The following PTPRD variants were observed in gnomAD, a reference collection of about 807,000 sequenced individuals.
PTPRD encodes the protein protein tyrosine phosphatase receptor type D.
PTPRD carries 34 observed loss-of-function variants against 214.5 expected under a neutral mutation model. The ratio of observed to expected loss-of-function variants is 0.16; its 90% CI spans 0.12 to 0.21. PTPRD has a LOEUF of 0.21. PTPRD is among the 10% of genes least tolerant of loss of function. The pLI is 1.00. For synonymous variants in PTPRD, 1,128 were observed against 845.7 expected, an observed-to-expected ratio of 1.33 and a Z score of -5.79; for missense variants, 2,545 against 2,398.7, an observed-to-expected ratio of 1.06 and a Z score of -1.27.
At chr9:8,485,716 CT>C in intron 28 of PTPRD, 45 bp downstream of exon 28, 1 of 1,484,950 alleles carries the variant, frequency 6.7e-7, no homozygotes, top group Non-Finnish European at 9.2e-7. Flanking sequence ...TTTCCAAAGA[CT>C]GACAATCCTT....
chr9:10,434,482 C>T (rs1306454566), intron 2 of PTPRD, among the ~76,000 whole-genome samples: 1 of 151,790 alleles, frequency 6.6e-6, no homozygotes, highest in Admixed American at 6.6e-5. Flanking sequence ...TATATTTATT[C>T]TAGCAACCTA....
intron 4 of PTPRD, among the ~76,000 whole-genome samples, chr9:10,008,012 AT>A (rs2096524988): frequency 6.6e-6 from 1 of 152,028 alleles, no homozygotes; most frequent in African/African-American, 2.4e-5. Context: ...TTATAAAGTA[AT>A]AAACCAGCTA....
chr9:8,991,945 G>C (rs777240520), intron 11 of PTPRD, among the ~76,000 whole-genome samples: 1 of 151,812 alleles, frequency 6.6e-6, no homozygotes, highest in African/African-American at 2.4e-5. Context: ...AGAGACATTT[G>C]CCATAGTAAT....
intron 5 of PTPRD, among the ~76,000 whole-genome samples, chr9:9,881,507 A>G (rs1248914857): frequency 6.6e-6 from 1 of 152,142 alleles, no homozygotes; most frequent in African/African-American, 2.4e-5. Context: ...TCTTTTATAA[A>G]CAGAAAATAT....
chr9:8,340,252 A>C, intron 42 of PTPRD, 91 bp downstream of exon 42: 2 of 1,401,460 alleles, frequency 1.4e-6, no homozygotes, highest in Non-Finnish European at 1.9e-6. Flanking sequence ...TTCAAAAAAA[A>C]TGATCTAGCA....
chr9:8,898,702 A>T (rs1353349237), intron 11 of PTPRD, among the ~76,000 whole-genome samples: 1 of 152,174 alleles, frequency 6.6e-6, no homozygotes, highest in Non-Finnish European at 1.5e-5. Flanking sequence ...ACCTCAGGAA[A>T]CAGCTTAATT....
chr9:8,982,616 T>G (rs999136608), intron 11 of PTPRD, among the ~76,000 whole-genome samples: 1 of 151,552 alleles, frequency 6.6e-6, no homozygotes, highest in Non-Finnish European at 1.5e-5. Context: ...TCCACAATCA[T>G]CATCTTATAA....
At chr9:10,029,204 A>C (rs2096997729) in intron 4 of PTPRD, among the ~76,000 whole-genome samples, 1 of 152,196 alleles carries the variant, frequency 6.6e-6, no homozygotes, top group Non-Finnish European at 1.5e-5. Flanking sequence ...GGATGTCCAG[A>C]AAGAAGTTTG....
Position 8,504,296 on chromosome 9 carries a change from G to C in PTPRD, c.1787C>G (p.Ser596Cys), listed in dbSNP as rs1257574980. The C allele has an allele frequency of 6.2e-7, 1 of 1,614,144 alleles. No homozygotes were observed. Among genetic ancestry groups the C allele is most frequent in the African/African-American group, 1.3e-5 (1 of 75,050 alleles). Reference sequence around the variant, plus strand: ...GGTTCTAGCTGATATTTCTGCAGTAGAAGCACCCAGGCCTTGAGGGGAGCG... The same window carrying C: ...GGTTCTAGCTGATATTTCTGCAGTACAAGCACCCAGGCCTTGAGGGGAGCG... ...AARSPQGLGA[S>C]TAEISARTMQ... Residue 596 changes from serine to cysteine, a missense_variant, in exon 23 of 46, where the codon TCT becomes TGT. By Grantham distance (112) the Ser-to-Cys change is moderately radical. Transcript: ENST00000381196.
Position 9,962,041 on chromosome 9 carries a change from T to A in PTPRD, c.-471-23431A>T, listed in dbSNP as rs1401771489. The stretch of plus-strand genomic sequence containing the variant: ...AATCAGGTAGAAGAAAATAATCCCA[T>A]AGAAACAAGTATAAGCAAATTTTAG... On this transcript the variant is annotated intron_variant, in intron 4 of 45. Transcript: ENST00000381196. 2.0e-5 allele frequency among the ~76,000 whole-genome samples: 3 copies of A among 152,108 alleles called. No individual in the cohort carries two copies. The South Asian group carries it at 6.2e-4, about 31-fold the overall frequency.
chr9:9,587,024 A>G (rs1251838643), intron 7 of PTPRD, among the ~76,000 whole-genome samples: 1 of 151,952 alleles, frequency 6.6e-6, no homozygotes, highest in African/African-American at 2.4e-5. Flanking sequence ...TATCATAGCA[A>G]TGTTGAAAAA....
intron 30 of PTPRD, among the ~76,000 whole-genome samples, chr9:8,475,057 CTCTT>C (rs1169955872): frequency 1.3e-5 from 2 of 152,180 alleles, no homozygotes; most frequent in African/African-American, 4.8e-5. Flanking sequence ...CTAGTCACCT[CTCTT>C]TCTCCCACTC....
chr9:9,845,080 CTATA>C (rs1485135927), intron 5 of PTPRD, among the ~76,000 whole-genome samples: 1 of 103,448 alleles, frequency 9.7e-6, no homozygotes, highest in Non-Finnish European at 1.9e-5. Flanking sequence ...ATATATTGCT[CTATA>C]TATATAGCTA....
At chr9:10,065,064 C>T (rs892860361) in intron 3 of PTPRD, among the ~76,000 whole-genome samples, 2 of 151,160 alleles carry the variant, frequency 1.3e-5, no homozygotes, top group Non-Finnish European at 2.9e-5. Flanking sequence ...TAGTAATTTG[C>T]CTTGCCTAGA....
At chr9:9,347,409 A>G (rs1569567580) in intron 9 of PTPRD, among the ~76,000 whole-genome samples, 1 of 151,702 alleles carries the variant, frequency 6.6e-6, no homozygotes, top group East Asian at 1.9e-4. Flanking sequence ...AATGGTCAAA[A>G]TGAAGAATAA....
At chr9:9,015,011 G>C (rs1354017407) in intron 11 of PTPRD, among the ~76,000 whole-genome samples, 1 of 152,026 alleles carries the variant, frequency 6.6e-6, no homozygotes, top group Non-Finnish European at 1.5e-5. Context: ...AGTAGAGTAA[G>C]AATTACTTAT....
At chr9:8,801,377 C>G (rs1312153877) in intron 11 of PTPRD, among the ~76,000 whole-genome samples, 1 of 152,142 alleles carries the variant, frequency 6.6e-6, no homozygotes, top group Non-Finnish European at 1.5e-5. Flanking sequence ...TTCAGTCATT[C>G]TGAATACATT....
chr9:8,826,987 G>A (rs982659423), intron 11 of PTPRD, among the ~76,000 whole-genome samples: 10 of 151,794 alleles, frequency 6.6e-5, no homozygotes, highest in African/African-American at 2.2e-4. Context: ...TAAACTGGCA[G>A]ATTTCTTCTC....
chr9:10,177,175 G>C (rs1364250014), intron 3 of PTPRD, among the ~76,000 whole-genome samples: 1 of 151,888 alleles, frequency 6.6e-6, no homozygotes, highest in Non-Finnish European at 1.5e-5. Context: ...GTTTCATCGT[G>C]GAGTGCTTCC....
Sources: allele counts gnomAD v4.1 joint callset (sites outside exome capture counted in the v4.1 genomes callset), GRCh38; gene constraint gnomAD v4.1.1; transcripts MANE v1.5; gene names NCBI Gene and HGNC (gene_info 2026-07-23, HGNC 2026-07-21).